The following PCP4 variants were observed in gnomAD, a reference collection of about 807,000 sequenced individuals.
PCP4 encodes the protein calmodulin regulator protein PCP4.
In PCP4, 8 loss-of-function variants were observed where a neutral mutation model predicts 10.0. The ratio of observed to expected loss-of-function variants is 0.80; its 90% CI spans 0.47 to 1.45. The LOEUF (loss-of-function observed/expected upper bound fraction) is 1.45. PCP4 is among the 40% of genes most tolerant of loss of function. PCP4 has a pLI of 0.00. For missense variants in PCP4, 54 were observed against 74.4 expected, an observed-to-expected ratio of 0.73 and a Z score of 1.01; for synonymous variants, 21 against 23.0, an observed-to-expected ratio of 0.91 and a Z score of 0.24.
intron 1 of PCP4, among the ~76,000 whole-genome samples, chr21:39,871,880 A>G (rs563090730): frequency 6.6e-6 from 1 of 152,356 alleles, no homozygotes; most frequent in South Asian, 2.1e-4. Context: ...AAGAAAATAA[A>G]TGACTCATTA....
intron 2 of PCP4, among the ~76,000 whole-genome samples, chr21:39,927,990 G>A (rs2087633039): frequency 6.6e-6 from 1 of 152,160 alleles, no homozygotes; most frequent in South Asian, 2.1e-4. Flanking sequence ...CGATGCCTTT[G>A]ATGAATCTGA....
intron 2 of PCP4, among the ~76,000 whole-genome samples, chr21:39,900,688 G>T (rs2087478564): frequency 6.6e-6 from 1 of 152,022 alleles, no homozygotes; most frequent in South Asian, 2.1e-4. Flanking sequence ...TGTATGGCCT[G>T]CATCCCATGG....
At position 39,929,285 on chromosome 21, in the gene PCP4, T is replaced by C; in HGVS notation, c.*174T>C. Reference sequence around the variant, plus strand: ...ATATTTATACCCTTGTAGGAAGGTATAGACAATGGAATTGTGAGTAGCTTA... The same window carrying C: ...ATATTTATACCCTTGTAGGAAGGTACAGACAATGGAATTGTGAGTAGCTTA... On this transcript the variant is annotated 3_prime_UTR_variant, in exon 3 of 3. Transcript: ENST00000328619. 2.1e-6 allele frequency: 1 copy of C among 474,312 alleles called. No individual in the cohort carries two copies. Among genetic ancestry groups the C allele is most frequent in the Non-Finnish European group, 3.6e-6 (1 of 275,476 alleles). 29.4% of individuals were successfully genotyped at this position (474,312 alleles called of 1,614,324 possible).
At chr21:39,880,726 A>G (rs948786416) in intron 1 of PCP4, among the ~76,000 whole-genome samples, 4 of 152,216 alleles carry the variant, frequency 2.6e-5, no homozygotes, top group Admixed American at 6.5e-5. Flanking sequence ...TTTCAGTTAA[A>G]GAAACATTTT....
intron 1 of PCP4, among the ~76,000 whole-genome samples, chr21:39,889,211 T>C (rs1361569895): frequency 6.6e-6 from 1 of 152,008 alleles, no homozygotes; most frequent in African/African-American, 2.4e-5. Context: ...TTACGAATAT[T>C]TGGTGGCCAC....
intron 1 of PCP4, among the ~76,000 whole-genome samples, chr21:39,882,479 G>A (rs1332939191): frequency 2.0e-5 from 3 of 152,182 alleles, no homozygotes; most frequent in Non-Finnish European, 4.4e-5. Flanking sequence ...TGGAAAGCTG[G>A]CATTACTGCT....
chr21:39,890,520 TC>T (rs1233045539), intron 1 of PCP4, among the ~76,000 whole-genome samples: 17 of 121,904 alleles, frequency 1.4e-4, no homozygotes, highest in African/African-American at 5.4e-4. Flanking sequence ...CCCACCCAGC[TC>T]ATTTTTTTTT....
At position 39,906,757 on chromosome 21, in the gene PCP4, T is replaced by C. The variant is rs1019133126; in HGVS notation, c.61+8230T>C. On this transcript the variant is annotated intron_variant, in intron 2 of 2. Transcript: ENST00000328619. This position sits in a 1 kb window ranked among gnomAD's most constrained non-coding sequence, Gnocchi z 6.3. ...GTGAAAAAGTAAAGTTATACATTAT[T>C]CTCAATGAATTACTCTTAAAGATCT... 6.6e-6 allele frequency among the ~76,000 whole-genome samples: 1 copy of C among 152,204 alleles called. No homozygotes were observed. The highest frequency in any genetic ancestry group is 6.5e-5 in the Admixed American group (1 of 15,288).
At chr21:39,885,761 C>T (rs751770428) in intron 1 of PCP4, among the ~76,000 whole-genome samples, 1 of 152,254 alleles carries the variant, frequency 6.6e-6, no homozygotes, top group Non-Finnish European at 1.5e-5. Flanking sequence ...CCAGACTTTG[C>T]CCGGCTTTCT....
intron 1 of PCP4, among the ~76,000 whole-genome samples, chr21:39,897,363 G>A (rs995771693): frequency 1.3e-5 from 2 of 148,832 alleles, no homozygotes; most frequent in Non-Finnish European, 3.0e-5. Flanking sequence ...ACTCCAGCCT[G>A]GGACAGAGTG....
intron 2 of PCP4, among the ~76,000 whole-genome samples, chr21:39,921,379 C>T (rs367777400): frequency 2.0e-4 from 30 of 152,180 alleles, no homozygotes; most frequent in African/African-American, 6.3e-4. Context: ...TGATCTTAAG[C>T]GAGGCCCTTC....
intron 1 of PCP4, among the ~76,000 whole-genome samples, chr21:39,894,341 C>T (rs1427435628): frequency 6.6e-6 from 1 of 152,198 alleles, no homozygotes; most frequent in East Asian, 1.9e-4. Context: ...CTGATTCACT[C>T]TCTAGATCCC....
chr21:39,914,316 C>T (rs2087557539), intron 2 of PCP4, among the ~76,000 whole-genome samples: 1 of 152,122 alleles, frequency 6.6e-6, no homozygotes, highest in Non-Finnish European at 1.5e-5. Flanking sequence ...CGTGGTGGCT[C>T]ATGTCTGTAA....
At chr21:39,912,543 T>G (rs543974606) in intron 2 of PCP4, among the ~76,000 whole-genome samples, 40 of 152,080 alleles carry the variant, frequency 2.6e-4, no homozygotes, top group African/African-American at 9.2e-4. Context: ...GGTTAAATGG[T>G]CACATTTAAC....
intron 1 of PCP4, among the ~76,000 whole-genome samples, chr21:39,890,381 G>A (rs2087423958): frequency 6.6e-6 from 1 of 152,032 alleles, no homozygotes; most frequent in African/African-American, 2.4e-5. Flanking sequence ...TTTTGAGACA[G>A]CCTCACTCTT....
At chr21:39,896,221 G>A (rs1367585462) in intron 1 of PCP4, among the ~76,000 whole-genome samples, 6 of 152,218 alleles carry the variant, frequency 3.9e-5, no homozygotes, top group Non-Finnish European at 1.5e-5. Context: ...GGTTGAGCAT[G>A]CACCTATTTT....
intron 1 of PCP4, among the ~76,000 whole-genome samples, chr21:39,887,356 G>GTT (rs369313605): frequency 1.2e-4 from 17 of 144,338 alleles, no homozygotes; most frequent in East Asian, 2.0e-4. Flanking sequence ...TTGTTTTTTG[G>GTT]TTTTTTTTTT....
At chr21:39,870,659 G>A (rs1246867927) in intron 1 of PCP4, among the ~76,000 whole-genome samples, 5 of 152,206 alleles carry the variant, frequency 3.3e-5, no homozygotes, top group Non-Finnish European at 5.9e-5. Context: ...AGAGCTAGGG[G>A]CAAGGTTGGA....
chr21:39,923,738 T>C (rs1423320983), intron 2 of PCP4, among the ~76,000 whole-genome samples: 1 of 152,178 alleles, frequency 6.6e-6, no homozygotes, highest in Non-Finnish European at 1.5e-5. Context: ...ACGGAAATGA[T>C]TGTACTGCAA....
Sources: gnomAD v4.1 joint callset for allele counts (sites outside exome capture counted in the v4.1 genomes callset) on GRCh38, gnomAD v4.1.1 for gene constraint, Gnocchi (gnomAD v3.1) non-coding constraint, MANE v1.5 for transcripts, NCBI Gene and HGNC (gene_info 2026-07-23, HGNC 2026-07-21) for gene names.